Variants in LIPE observed in about 807,000 individuals in gnomAD.
LIPE encodes hormone-sensitive lipase.
LIPE carries 66 observed loss-of-function variants against 88.5 expected under a neutral mutation model. The ratio of observed to expected loss-of-function variants is 0.75; its 90% CI spans 0.61 to 0.91. The LOEUF (loss-of-function observed/expected upper bound fraction) is 0.91. LIPE is among the 40% of genes least tolerant of loss of function. LIPE has a pLI of 0.00. For missense variants in LIPE, 1,346 were observed against 1,434.7 expected, an observed-to-expected ratio of 0.94 and a Z score of 1.00; for synonymous variants, 570 against 617.5, an observed-to-expected ratio of 0.92 and a Z score of 1.14.
At chr19:42,420,444 G>A (rs2040575755) in intron 1 of LIPE, among the ~76,000 whole-genome samples, 2 of 152,108 alleles carry the variant, frequency 1.3e-5, no homozygotes, top group Admixed American at 6.5e-5. Flanking sequence ...CTTGGCCTGT[G>A]AGCTTGTGTG....
At position 42,414,511 on chromosome 19, in the gene LIPE, A is replaced by G. The variant is rs2040450718; in HGVS notation, c.884-3669T>C. ...TGTGGGCTCACTTGGCCTTCCTGAG[A>G]TGGTGTATTGGGTGATTTTTCTCTG... On this transcript the variant is annotated intron_variant, in intron 1 of 9. Coordinates refer to ENST00000244289, the MANE Select transcript of LIPE (RefSeq NM_005357.4). The surrounding 1 kb of genome is among the most constrained non-coding windows in gnomAD (Gnocchi z 4.6). Among the ~76,000 whole-genome samples the G allele has an allele frequency of 6.6e-6, 1 of 152,076 alleles. No individual in the cohort carries two copies. Among genetic ancestry groups the G allele is most frequent in the Admixed American group, 6.6e-5 (1 of 15,266 alleles).
Position 42,426,446 on chromosome 19 carries a change from T to A in LIPE, c.704A>T (p.Glu235Val). 1 of 1,614,078 alleles carries A rather than the reference T, an allele frequency of 6.2e-7. No individual in the cohort carries two copies. Among genetic ancestry groups the A allele is most frequent in the Non-Finnish European group, 8.5e-7 (1 of 1,179,922 alleles). The change falls in exon 1 of 10, where the codon GAA becomes GTA. Residue 235 changes from glutamate (E) to valine (V), a missense_variant. Glu to Val is a moderately radical substitution (Grantham distance 121). Coordinates refer to ENST00000244289, the MANE Select transcript of LIPE (RefSeq NM_005357.4). ...LSEWVTDSES[E>V]SDVGSSSDTD... ...GTCTGAAGATGATCCCACATCTGAT[T>A]CTGACTCAGAATCTGTGACCCACTC...
chr19:42,415,392 T>C (rs2147647878), intron 1 of LIPE, among the ~76,000 whole-genome samples: 1 of 152,348 alleles, frequency 6.6e-6, no homozygotes, highest in East Asian at 1.9e-4. Flanking sequence ...GGAAGGCATG[T>C]CCAGTGCTGA....
rs2040450491 is a variant in LIPE at position 42,414,485 on chromosome 19, T to C, written c.884-3643A>G. ...CGGCATGTTCTGCATGTGGTTTGCT[T>C]TGTGGGCTCACTTGGCCTTCCTGAG... On this transcript the variant is annotated intron_variant, in intron 1 of 9. Coordinates refer to ENST00000244289, the MANE Select transcript of LIPE (RefSeq NM_005357.4). This position sits in a 1 kb window ranked among gnomAD's most constrained non-coding sequence, Gnocchi z 4.6. 6.6e-6 allele frequency among the ~76,000 whole-genome samples: 1 copy of C among 152,238 alleles called. No individual in the cohort carries two copies. The highest frequency in any genetic ancestry group is 1.5e-5 in the Non-Finnish European group (1 of 68,038).
chr19:42,423,345 G>C, intron 1 of LIPE: 1 of 1,164,258 alleles, frequency 8.6e-7, no homozygotes, highest in Non-Finnish European at 1.1e-6. Context: ...CAGTGGGCCA[G>C]TCCACGCTGT....
chr19:42,405,298 C>T (rs1013557754), intron 8 of LIPE, 87 bp downstream of exon 8: 1 of 1,399,140 alleles, frequency 7.1e-7, no homozygotes, highest in Non-Finnish European at 9.7e-7. Context: ...AACCACCATG[C>T]CCAGCATCTT....
At chr19:42,402,148 G>C (rs915007317) in intron 9 of LIPE, 73 bp from the exon 10 acceptor site, 9 of 1,362,320 alleles carry the variant, frequency 6.6e-6, no homozygotes, top group Non-Finnish European at 8.6e-6. Flanking sequence ...GAGCGAGGAG[G>C]GGTTTGATGA....
At position 42,422,223 on chromosome 19, in the gene LIPE, C is replaced by T. The variant is rs1338465536; in HGVS notation, c.883+4044G>A. On this transcript the variant is annotated intron_variant, in intron 1 of 9. Coordinates refer to ENST00000244289, the MANE Select transcript of LIPE (RefSeq NM_005357.4). ...GTGCCTGTGCCAAACGCTCTACATT[C>T]ATTCTAACCTCACAAAAGGAGGTAC... is the stretch of plus-strand genomic sequence containing the variant. Among the ~76,000 whole-genome samples the T allele has an allele frequency of 5.3e-5, 8 of 152,202 alleles. No individual in the cohort carries two copies. In the East Asian group the frequency reaches 1.5e-3, roughly 29 times the overall value.
intron 1 of LIPE, among the ~76,000 whole-genome samples, chr19:42,415,261 TA>T (rs753806510): frequency 1.3e-4 from 19 of 151,990 alleles, no homozygotes; most frequent in East Asian, 1.2e-3. Flanking sequence ...AAAAATAGAA[TA>T]AAATAAAATA....
In LIPE at chr19:42,405,973, C is replaced by CTG. The variant is rs781320496; in HGVS notation, c.2365+187_2365+188insCA. ...CTTGTGTCTGTCTGTCTCTCTCTCT[C>CTG]TCTCACACACACACACACACACACA... is the stretch of plus-strand genomic sequence containing the variant. On this transcript the variant is annotated intron_variant, in intron 7 of 9. Coordinates refer to ENST00000244289, the MANE Select transcript of LIPE (RefSeq NM_005357.4). 1,420 of 533,500 alleles carry CTG rather than the reference C, an allele frequency of 2.7e-3. 5 individuals carry two copies. Among genetic ancestry groups the CTG allele is most frequent in the Non-Finnish European group, 3.9e-3 (1,213 of 309,550 alleles). 33.0% of individuals were successfully genotyped at this position (533,500 alleles called of 1,614,324 possible).
At chr19:42,418,319 G>A (rs1436445555) in intron 1 of LIPE, among the ~76,000 whole-genome samples, 2 of 152,142 alleles carry the variant, frequency 1.3e-5, no homozygotes, top group Non-Finnish European at 2.9e-5. Context: ...TGGACCAAAT[G>A]CTATCAAACA....
rs1158024120 is a variant in LIPE at position 42,414,284 on chromosome 19, A to C, written c.884-3442T>G. On this transcript the variant is annotated intron_variant, in intron 1 of 9. Transcript: ENST00000244289. This position sits in a 1 kb window ranked among gnomAD's most constrained non-coding sequence, Gnocchi z 4.6. The stretch of plus-strand genomic sequence containing the variant: ...CGAGACTCTGTCAGAAAAGAAAGGA[A>C]AGAAAGAAAGGAAAGGAAGGAAAGA... Among the ~76,000 whole-genome samples, 1 of 152,120 alleles carries C rather than the reference A, an allele frequency of 6.6e-6. No homozygotes were observed. The highest frequency in any genetic ancestry group is 1.5e-5 in the Non-Finnish European group (1 of 68,008).
chr19:42,427,355 C>G lies in LIPE; in HGVS notation c.-206G>C. 1.2e-6 allele frequency: 1 copy of G among 845,946 alleles called. No homozygotes were observed. Among genetic ancestry groups the G allele is most frequent in the Non-Finnish European group, 1.7e-6 (1 of 601,780 alleles). 52.4% of individuals were successfully genotyped at this position (845,946 alleles called of 1,614,324 possible). A position where few individuals can be genotyped will look rare whatever the true frequency, so the allele number is the denominator to read the frequency against. ...GCTGGCCCCCACTAAGTAATGAACT[C>G]TGTGCCTCTTTCTTTGGTGGGAGGA... On this transcript the variant is annotated 5_prime_UTR_variant, in exon 1 of 10. Transcript: ENST00000244289.
intron 2 of LIPE, among the ~76,000 whole-genome samples, chr19:42,409,895 G>A (rs879478414): frequency 1.3e-5 from 2 of 152,114 alleles, no homozygotes; most frequent in Non-Finnish European, 2.9e-5. Flanking sequence ...GGGGTGGGAG[G>A]GGGAGGCTGA....
At position 42,426,380 on chromosome 19, in the gene LIPE, C is replaced by A; in HGVS notation, c.770G>T (p.Gly257Val). The change falls in exon 1 of 10, where the codon GGA becomes GTA. Residue 257 changes from glycine to valine, a missense_variant. Physicochemically the swap from Gly to Val is moderately radical, Grantham distance 109 (BLOSUM62 -3). Transcript: ENST00000244289. ...PATMGGMVAQ[G>V]VKLGFKGKSG... ...TTTTCCTTTGAAGCCTAGCTTCACT[C>A]CCTGGGCCACCATTCCACCCATCGT... is the stretch of plus-strand genomic sequence containing the variant. The A allele has an allele frequency of 2.5e-6, 4 of 1,614,042 alleles. No homozygotes were observed. Among genetic ancestry groups the A allele is most frequent in the Non-Finnish European group, 3.4e-6 (4 of 1,179,982 alleles).
chr19:42,424,676 C>T (rs1384589280), intron 1 of LIPE: 1 of 455,790 alleles, frequency 2.2e-6, no homozygotes, highest in Admixed American at 2.3e-5. Context: ...GCCCTCTGGA[C>T]CAGGGCCTCA....
At position 42,414,423 on chromosome 19, in the gene LIPE, C is replaced by T. The variant is rs1295866956; in HGVS notation, c.884-3581G>A. On this transcript the variant is annotated intron_variant, in intron 1 of 9. Transcript: ENST00000244289. This position sits in a 1 kb window ranked among gnomAD's most constrained non-coding sequence, Gnocchi z 4.6. ...ACTGCACTTGGCTGTTCTGCTGGCT[C>T]AGGGTGGGAGACATAATTTATAAGT... 6.6e-6 allele frequency among the ~76,000 whole-genome samples: 1 copy of T among 152,216 alleles called. No individual in the cohort carries two copies. Among genetic ancestry groups the T allele is most frequent in the African/African-American group, 2.4e-5 (1 of 41,456 alleles).
At chr19:42,409,400 C>CAA (rs760628566) in intron 2 of LIPE, among the ~76,000 whole-genome samples, 1,318 of 72,892 alleles carry the variant, frequency 0.018, 12 homozygotes, top group African/African-American at 0.039. Flanking sequence ...AAACAAAATA[C>CAA]AAAAAAAAAA....
At chr19:42,413,149 A>G (rs2040418740) in intron 1 of LIPE, among the ~76,000 whole-genome samples, 1 of 152,204 alleles carries the variant, frequency 6.6e-6, no homozygotes, top group African/African-American at 2.4e-5. Flanking sequence ...CACTTCCAAG[A>G]GGTACTCCCC....
Sources: gnomAD v4.1 joint callset for allele counts (sites outside exome capture counted in the v4.1 genomes callset) on GRCh38, gnomAD v4.1.1 for gene constraint, Gnocchi (gnomAD v3.1) non-coding constraint, MANE v1.5 for transcripts, NCBI Gene and HGNC (gene_info 2026-07-23, HGNC 2026-07-21) for gene names.